PIEZO1: variants seen among roughly 807,000 people sequenced by gnomAD.
The protein encoded by PIEZO1 is piezo-type mechanosensitive ion channel component 1.
PIEZO1 carries 296 observed loss-of-function variants against 297.2 expected under a neutral mutation model. That is an observed-to-expected ratio of 1.00 (90% CI 0.91 to 1.10). The LOEUF (loss-of-function observed/expected upper bound fraction) is 1.10. Among genes scored for constraint, PIEZO1 ranks in the 50% least tolerant of loss-of-function variants. The probability of loss-of-function intolerance (pLI) is 0.00; values close to 1 mark genes in which losing one functional copy is unlikely to be tolerated. For missense variants in PIEZO1, 5,018 were observed against 3,455.5 expected (o/e 1.45, Z -11.34); for synonymous variants, 2,427 against 1,507.5 (o/e 1.61, Z -14.13).
intron 1 of PIEZO1, 30 bp from the exon 2 acceptor site, chr16:88,749,509 C>T (rs540456758): frequency 2.1e-4 from 314 of 1,488,558 alleles, no homozygotes; most frequent in Non-Finnish European, 2.7e-4. Context: ...AACTAGGTCG[C>T]CAACAGAGGA....
At chr16:88,769,762 G>A (rs1010262567) in intron 1 of PIEZO1, among the ~76,000 whole-genome samples, 15 of 152,094 alleles carry the variant, frequency 9.9e-5, no homozygotes, top group Non-Finnish European at 2.9e-5. Context: ...AGCTCTGGTG[G>A]GCGGAGCGTG....
chr16:88,781,127 A>G (rs1333460631), intron 1 of PIEZO1, among the ~76,000 whole-genome samples: 2 of 152,080 alleles, frequency 1.3e-5, no homozygotes, highest in Non-Finnish European at 2.9e-5. Flanking sequence ...CCATCTCAGG[A>G]GTGGGCTGCA....
rs566936449 is a variant in PIEZO1, at chr16:88,784,653, C to G, written c.64+248G>C. Reference sequence around the variant, plus strand: ...TGCCCGGCGCTCGCTCGACCGCCCCCGTGGGCACGCGGTGCCGTCTCCCCC... The same window carrying G: ...TGCCCGGCGCTCGCTCGACCGCCCCGGTGGGCACGCGGTGCCGTCTCCCCC... On this transcript the variant is annotated intron_variant, in intron 1 of 50. Transcript: ENST00000301015. Among the ~76,000 whole-genome samples, 751 of 151,846 alleles carry G rather than the reference C, an allele frequency of 4.9e-3. 3 individuals are homozygous for G. Among genetic ancestry groups the G allele is most frequent in the Non-Finnish European group, 7.6e-3 (514 of 67,876 alleles).
chr16:88,720,019 C>T (rs957072830), intron 42 of PIEZO1, 50 bp downstream of exon 42: 19 of 1,548,934 alleles, frequency 1.2e-5, no homozygotes, highest in Non-Finnish European at 1.7e-5. Flanking sequence ...GGGCCCCCAG[C>T]CTGCACTGCC....
Position 88,769,934 on chromosome 16 carries a change from C to T in PIEZO1, c.64+14967G>A, listed in dbSNP as rs566338506. Among the ~76,000 whole-genome samples the T allele has an allele frequency of 4.6e-5, 7 of 152,306 alleles. No individual in the cohort carries two copies. The South Asian group carries it at 1.4e-3, about 32-fold the overall frequency. On this transcript the variant is annotated intron_variant, in intron 1 of 50. Coordinates refer to ENST00000301015, the MANE Select transcript of PIEZO1 (RefSeq NM_001142864.4). ...GATCCCCTAGGGGGTCACACCCCTT[C>T]CAATGCCACATGGCGGGGCAGCAGG...
At chr16:88,757,331 G>GGGGT (rs1567687620) in intron 1 of PIEZO1, among the ~76,000 whole-genome samples, 14 of 117,404 alleles carry the variant, frequency 1.2e-4, no homozygotes, top group African/African-American at 5.9e-4. Context: ...GGGGGGTGGG[G>GGGGT]GGTAGTTACC....
rs1478356313 is a variant in PIEZO1 at position 88,715,442 on chromosome 16, CCTT to C, written c.*160_*162del. The C allele has an allele frequency of 2.2e-5, 21 of 936,074 alleles. No individual in the cohort carries two copies. The highest frequency in any genetic ancestry group is 3.4e-5 in the South Asian group (2 of 59,640). The allele number at this position is 936,074 out of a possible 1,614,324, so 58.0% of individuals were successfully genotyped here. On this transcript the variant is annotated 3_prime_UTR_variant, in exon 51 of 51. Transcript: ENST00000301015. ...CACGCAGGCCGTGGGGACGCAGTGT[CCTT>C]CTCTGACAGCAGCATCAGGGCTCAG... is the stretch of plus-strand genomic sequence containing the variant.
intron 3 of PIEZO1, 59 bp from the exon 4 acceptor site, chr16:88,742,154 G>C: frequency 2.0e-6 from 3 of 1,529,032 alleles, no homozygotes; most frequent in African/African-American, 1.4e-5. Context: ...CCGTGGCCTG[G>C]TCATCCCTGG....
In PIEZO1 at chr16:88,720,637, AGCC is replaced by A; in HGVS notation, c.5777_5779del (p.Arg1926del). The stretch of plus-strand genomic sequence containing the variant: ...TCACAGGGACAGGCAGAAGCCCTGC[AGCC>A]GCCGCCCGGCCGCCCTTACTCTTCC... On this transcript the variant is annotated inframe_deletion, in exon 40 of 51. Transcript: ENST00000301015. The A allele has an allele frequency of 1.3e-6, 2 of 1,544,206 alleles. No homozygotes were observed. The highest frequency in any genetic ancestry group is 1.7e-6 in the Non-Finnish European group (2 of 1,145,236).
At position 88,727,601 on chromosome 16, in the gene PIEZO1, T is replaced by A. The variant is rs1172570573; in HGVS notation, c.3257A>T (p.Tyr1086Phe). Residue 1086 changes from tyrosine (Y) to phenylalanine (F), a missense_variant, in exon 23 of 51, where the codon TAC (tyrosine) becomes TTC (phenylalanine). Coordinates refer to ENST00000301015, the MANE Select transcript of PIEZO1 (RefSeq NM_001142864.4). The part of the protein sequence containing the change: ...PMNSALIKWL[Y>F]LPDFFRAPNS... ...GGGGGCCCGGAAGAAATCAGGCAGG[T>A]ACAGCCACTTGATGAGTGCGGAGTT... 2.1e-5 allele frequency: 32 copies of A among 1,536,186 alleles called. No individual in the cohort carries two copies. Among genetic ancestry groups the A allele is most frequent in the Non-Finnish European group, 2.8e-5 (32 of 1,138,284 alleles).
At chr16:88,717,927 C>T in intron 44 of PIEZO1, 1 of 380,986 alleles carries the variant, frequency 2.6e-6, no homozygotes, top group Admixed American at 3.8e-5. Context: ...GCCAAAAATA[C>T]AAAAGACTAG....
Position 88,721,417 on chromosome 16 carries a change from C to T in PIEZO1, c.5417G>A (p.Trp1806Ter). The change falls in exon 39 of 51, where the codon TGG becomes TAG. Residue 1806 changes from tryptophan to a stop codon, truncating the protein, a stop_gained. Transcript: ENST00000301015. LOFTEE classifies it high-confidence loss of function. ...HRSQLLCYGL[W>*]DHEEDSPSKE... Reference sequence around the variant, plus strand: ...GGATGGTGAGTCCTCCTCATGGTCCCAGAGGCCATAGCACTGAGGGGCGGG... The same window carrying T: ...GGATGGTGAGTCCTCCTCATGGTCCTAGAGGCCATAGCACTGAGGGGCGGG... 1 of 1,549,450 alleles carries T rather than the reference C, an allele frequency of 6.5e-7. No individual in the cohort carries two copies. Among genetic ancestry groups the T allele is most frequent in the Admixed American group, 2.0e-5 (1 of 50,940 alleles).
intron 42 of PIEZO1, 53 bp downstream of exon 42, chr16:88,720,016 C>A: frequency 1.9e-6 from 3 of 1,548,922 alleles, no homozygotes; most frequent in African/African-American, 1.4e-5. Context: ...GCAGGGCCCC[C>A]AGCCTGCACT....
intron 45 of PIEZO1, 23 bp from the exon 46 acceptor site, chr16:88,716,921 G>C (rs1180505359): frequency 6.5e-6 from 10 of 1,548,590 alleles, no homozygotes; most frequent in South Asian, 3.6e-5. Flanking sequence ...CGGGGACACG[G>C]GGCCACGAAG....
In PIEZO1 at chr16:88,722,065, G is replaced by A. The variant is rs761500193; in HGVS notation, c.4957C>T (p.Arg1653Cys). ...TCCTCCAGCTCTGGGATGCGCAGGC[G>A]CCTACAGGGAGACCCGCGTGTTTGG... ...RTASELLLDR[R>C]LRIPELEEAE... is the part of the protein sequence containing the mutation. The change falls in exon 37 of 51, where the codon CGC becomes TGC. Residue 1653 changes from arginine (R) to cysteine (C), a missense_variant and splice_region_variant. Coordinates refer to ENST00000301015, the MANE Select transcript of PIEZO1 (RefSeq NM_001142864.4). 234 of 1,544,796 alleles carry A rather than the reference G, an allele frequency of 1.5e-4. No individual in the cohort carries two copies. The African/African-American group carries it at 1.9e-3, about 12-fold the overall frequency.
rs747323210 is a variant in PIEZO1 at position 88,727,078 on chromosome 16, C to T, written c.3416G>A (p.Arg1139Gln). ...GVNTDRLEPL[R>Q]GEPNPVPNFI... The stretch of plus-strand genomic sequence containing the variant: ...GTTGGGCACGGGGTTGGGCTCCCCC[C>T]GCAGCGGCTCCAGGCGGTCGGTGTT... The change falls in exon 24 of 51, where the codon CGG becomes CAG. Residue 1139 changes from arginine to glutamine, a missense_variant. Physicochemically the swap from Arg to Gln is conservative, Grantham distance 43. Transcript: ENST00000301015. 3.7e-5 allele frequency: 57 copies of T among 1,549,464 alleles called. No homozygotes were observed. The highest frequency in any genetic ancestry group is 1.8e-4 in the African/African-American group (13 of 73,042).
intron 1 of PIEZO1, among the ~76,000 whole-genome samples, chr16:88,777,042 G>A (rs1270214291): frequency 6.6e-6 from 1 of 151,754 alleles, no homozygotes; most frequent in East Asian, 1.9e-4. Context: ...GTGTGATCTC[G>A]GCTCACTGCA....
At position 88,720,527 on chromosome 16, in the gene PIEZO1, T is replaced by C. The variant is rs538041221; in HGVS notation, c.5807A>G (p.Gln1936Arg). 134 of 1,549,956 alleles carry C rather than the reference T, an allele frequency of 8.6e-5. No individual in the cohort carries two copies. In the African/African-American group the frequency reaches 1.5e-3, roughly 18 times the overall value. ...GCGCCGTAGCGGCCGATATGTGCCCTGGGCCCTGCGGAAGGGGGCGCTCAG... is the reference window on the plus strand; with the variant it reads ...GCGCCGTAGCGGCCGATATGTGCCCCGGGCCCTGCGGAAGGGGGCGCTCAG... ...RLQGFCLSLA[Q>R]GTYRPLRRFF... The change falls in exon 41 of 51, where the codon CAG (glutamine) becomes CGG (arginine). Residue 1936 changes from glutamine to arginine, a missense_variant. By Grantham distance (43) the Gln-to-Arg change is conservative (BLOSUM62 1). Transcript: ENST00000301015.
Position 88,725,032 on chromosome 16 carries a change from C to G in PIEZO1, c.4211G>C (p.Arg1404Pro), listed in dbSNP as rs565593847. The G allele has an allele frequency of 4.7e-6, 7 of 1,497,470 alleles. No individual in the cohort carries two copies. The East Asian group carries it at 1.6e-4, about 35-fold the overall frequency. The allele number at this position is 1,497,470 out of a possible 1,614,324, so 92.8% of individuals were successfully genotyped here. A position where few individuals can be genotyped will look rare whatever the true frequency, so the allele number is the denominator to read the frequency against. Residue 1404 changes from arginine to proline, a missense_variant, in exon 30 of 51, where the codon CGG becomes CCG. Coordinates refer to ENST00000301015, the MANE Select transcript of PIEZO1 (RefSeq NM_001142864.4). Reference sequence around the variant, plus strand: ...ACCTGTGGCGTGGTCCAGCCAGGGCCGCCACCACTGCCTCCGTGGCGGGGA... The same window carrying G: ...ACCTGTGGCGTGGTCCAGCCAGGGCGGCCACCACTGCCTCCGTGGCGGGGA... ...GSSPPRRQWWRPWLDHATVIH... is the reference protein window; with the variant it reads ...GSSPPRRQWWPPWLDHATVIH...
Sources: allele counts gnomAD v4.1 joint callset (sites outside exome capture counted in the v4.1 genomes callset), GRCh38; gene constraint gnomAD v4.1.1; transcripts MANE v1.5; gene names NCBI Gene and HGNC (gene_info 2026-07-23, HGNC 2026-07-21).